The following HEPH variants were observed in gnomAD, a reference collection of about 807,000 sequenced individuals.
HEPH encodes the protein hephaestin.
A neutral mutation model predicts 80.8 loss-of-function variants in HEPH; 69 were observed. The observed-to-expected ratio is 0.85, with a 90% CI of 0.70 to 1.04. HEPH has a LOEUF of 1.04. Ranked by LOEUF, HEPH falls within the 50% of genes least tolerant of loss-of-function variation. HEPH has a pLI of 0.00. For synonymous variants in HEPH, 431 were observed against 322.8 expected (o/e 1.34, Z -3.60); for missense variants, 1,115 against 891.3 (o/e 1.25, Z -3.20).
At position 66,208,082 on chromosome X, in the gene HEPH, CTTTATTTATTTAATTAT is replaced by C; in HGVS notation, c.2432-29_2432-13del. ...TCCCTGTGCTCCTGCATTAATGAAA[CTTTATTTATTTAATTAT>C]TTTTGTTTACATTAGGTCCACTTAT... On this transcript the variant is annotated splice_polypyrimidine_tract_variant and intron_variant, in intron 14 of 20. Transcript: ENST00000343002. 1.8e-6 allele frequency: 2 copies of C among 1,088,945 alleles called. No individual in the cohort carries two copies. Among genetic ancestry groups the C allele is most frequent in the Non-Finnish European group, 2.5e-6 (2 of 805,892 alleles). The allele number at this position is 1,088,945 out of a possible 1,213,427, so 89.7% of individuals were successfully genotyped here.
At chrX:66,224,021 T>C (rs1013700925) in intron 15 of HEPH, among the ~76,000 whole-genome samples, 1 of 110,958 alleles carries the variant, frequency 9.0e-6, no homozygotes, top group African/African-American at 3.3e-5. Context: ...AGTTAATGTA[T>C]TTCAGGATAA....
At chrX:66,177,765 G>A (rs1338691190) in intron 4 of HEPH, among the ~76,000 whole-genome samples, 2 of 110,625 alleles carry the variant, frequency 1.8e-5, no homozygotes, top group Non-Finnish European at 3.8e-5. Context: ...TAGGGTTTGG[G>A]TTTGGTTTGT....
intron 19 of HEPH, among the ~76,000 whole-genome samples, chrX:66,262,354 A>T (rs1319811730): frequency 8.9e-6 from 1 of 111,872 alleles, no homozygotes; most frequent in Admixed American, 9.5e-5. Context: ...AGGTTTGACC[A>T]GGGGGTTTGA....
chrX:66,215,569 C>T (rs980562304), intron 15 of HEPH, among the ~76,000 whole-genome samples: 7 of 111,618 alleles, frequency 6.3e-5, no homozygotes, highest in African/African-American at 2.3e-4. Context: ...TGACCTAAAA[C>T]CTTCAGTAGA....
At chrX:66,190,529 T>A (rs1487327372) in intron 6 of HEPH, among the ~76,000 whole-genome samples, 5 of 111,800 alleles carry the variant, frequency 4.5e-5, no homozygotes, top group Non-Finnish European at 7.5e-5. Context: ...TGAATGGTAG[T>A]CTTAAGTTTG....
chrX:66,267,173 A>G lies in HEPH; in HGVS notation c.*501A>G, dbSNP rs2091564162. 1 of 115,769 alleles carries G rather than the reference A, an allele frequency of 8.6e-6. No homozygotes were observed. The highest frequency in any genetic ancestry group is 3.3e-4 in the South Asian group (1 of 3,034). The allele number at this position is 115,769 out of a possible 1,213,427, so 9.5% of individuals were successfully genotyped here. The stretch of plus-strand genomic sequence containing the variant: ...AGGTAGGCTGAGTATTGGGAATCCA[A>G]ATTGAATTTTGATTCTCCTTGGCAG... On this transcript the variant is annotated 3_prime_UTR_variant, in exon 21 of 21. Coordinates refer to ENST00000343002, the MANE Select transcript of HEPH (RefSeq NM_001367233.3).
intron 15 of HEPH, among the ~76,000 whole-genome samples, chrX:66,236,097 T>C (rs1156795418): frequency 1.8e-5 from 2 of 111,619 alleles, no homozygotes; most frequent in East Asian, 2.8e-4. Context: ...TATTCCCTTT[T>C]TTTATTTCTC....
At chrX:66,262,651 G>T (rs1359829211) in intron 19 of HEPH, among the ~76,000 whole-genome samples, 2 of 111,534 alleles carry the variant, frequency 1.8e-5, no homozygotes, top group Non-Finnish European at 3.8e-5. Flanking sequence ...ACAGTTACTG[G>T]AGTTTTGGTA....
chrX:66,194,773 C>T (rs1390183795), intron 8 of HEPH, among the ~76,000 whole-genome samples: 1 of 111,072 alleles, frequency 9.0e-6, no homozygotes, highest in African/African-American at 3.3e-5. Flanking sequence ...GGCTGAATGG[C>T]TTATCAACCA....
chrX:66,215,032 G>A (rs980567735), intron 15 of HEPH, among the ~76,000 whole-genome samples: 1 of 111,305 alleles, frequency 9.0e-6, no homozygotes, highest in Admixed American at 9.6e-5. Flanking sequence ...GATTGACATT[G>A]CATTAAATTT....
intron 15 of HEPH, among the ~76,000 whole-genome samples, chrX:66,209,843 ATGATGAGTTCCCTTT>A (rs2089015806): frequency 9.0e-6 from 1 of 111,444 alleles, no homozygotes; most frequent in Non-Finnish European, 1.9e-5. Context: ...GTATTGGATG[ATGATGAGTTCCCTTT>A]TGAATTTGTT....
chrX:66,208,864 G>A (rs2088959287), intron 15 of HEPH, among the ~76,000 whole-genome samples: 1 of 107,033 alleles, frequency 9.3e-6, no homozygotes, highest in Admixed American at 1.0e-4. Context: ...AGAGTGATGT[G>A]ACCTAGGCCA....
intron 10 of HEPH, among the ~76,000 whole-genome samples, chrX:66,198,335 A>C (rs1229268311): frequency 9.0e-6 from 1 of 110,731 alleles, no homozygotes; most frequent in Non-Finnish European, 1.9e-5. Flanking sequence ...CTTCTCTTTG[A>C]CTCCGTTTCC....
At chrX:66,208,476 G>A (rs768454123) in intron 15 of HEPH, among the ~76,000 whole-genome samples, 1 of 105,699 alleles carries the variant, frequency 9.5e-6, no homozygotes, top group South Asian at 4.4e-4. Context: ...AAAATTAGCT[G>A]GGTGCAGTGG....
At chrX:66,249,381 A>G (rs1179705536) in intron 15 of HEPH, among the ~76,000 whole-genome samples, 4 of 112,144 alleles carry the variant, frequency 3.6e-5, no homozygotes, top group Non-Finnish European at 7.5e-5. Context: ...TTTAAGTGCT[A>G]TGCAAGTTTT....
intron 15 of HEPH, among the ~76,000 whole-genome samples, chrX:66,246,196 G>A (rs187877194): frequency 8.9e-6 from 1 of 112,163 alleles, no homozygotes; most frequent in East Asian, 2.8e-4. Flanking sequence ...GGGAAAACAG[G>A]AAGCTGAATA....
At position 66,189,936 on chromosome X, in the gene HEPH, G is replaced by T; in HGVS notation, c.1061G>T (p.Arg354Leu). Residue 354 changes from arginine to leucine, a missense_variant and splice_region_variant, in exon 6 of 21, where the codon CGA (arginine) becomes CTA (leucine). By Grantham distance (102) the Arg-to-Leu change is moderately radical. Around this residue, in one of 3 missense-constraint regions of HEPH, gnomAD observed 391 missense variants for 343.6 expected, o/e 1.14. Transcript: ENST00000343002. Reference protein sequence around the residue: ...LISCQVNSHFRDGMQALYKVK... With the variant: ...LISCQVNSHFLDGMQALYKVK... ...AGCTGCCAAGTGAACAGTCACTTTC[G>T]AGGTGAGATCCAACATTTCTGACCA... The T allele has an allele frequency of 8.5e-7, 1 of 1,172,866 alleles. No homozygotes were observed. The highest frequency in any genetic ancestry group is 1.1e-6 in the Non-Finnish European group (1 of 875,686).
chrX:66,222,925 G>T (rs371724733), intron 15 of HEPH, among the ~76,000 whole-genome samples: 11 of 111,964 alleles, frequency 9.8e-5, no homozygotes, highest in African/African-American at 3.6e-4. Flanking sequence ...TAGAATAGAT[G>T]AAAGAGTTAA....
chrX:66,244,727 C>G (rs1211879273), intron 15 of HEPH, among the ~76,000 whole-genome samples: 1 of 111,236 alleles, frequency 9.0e-6, no homozygotes, highest in Non-Finnish European at 1.9e-5. Context: ...AGAGGACACT[C>G]TAGCTTTTTG....
Sources: allele counts gnomAD v4.1 joint callset (sites outside exome capture counted in the v4.1 genomes callset), GRCh38; gene constraint gnomAD v4.1.1; regional missense constraint gnomAD v4.1.1; transcripts MANE v1.5; gene names NCBI Gene and HGNC (gene_info 2026-07-23, HGNC 2026-07-21).